Variants in THEMIS observed in about 807,000 individuals in gnomAD.
THEMIS encodes the protein thymocyte selection associated, also known as protein THEMIS.
A neutral mutation model predicts 52.6 loss-of-function variants in THEMIS; 37 were observed. That is an observed-to-expected ratio of 0.70 (90% CI 0.54 to 0.93). THEMIS has a LOEUF of 0.93. Among genes scored for constraint, THEMIS ranks in the 40% least tolerant of loss-of-function variants. THEMIS has a pLI of 0.00. For missense variants in THEMIS, 808 were observed against 763.1 expected, an observed-to-expected ratio of 1.06 and a Z score of -0.69; for synonymous variants, 292 against 272.7, an observed-to-expected ratio of 1.07 and a Z score of -0.70.
chr6:127,703,394 T>C (rs1356137238), downstream of THEMIS, among the ~76,000 whole-genome samples: 3 of 152,106 alleles, frequency 2.0e-5, no homozygotes, highest in African/African-American at 7.2e-5. Context: ...CAAGAAACAA[T>C]AAGTAAACCA....
intron 4 of THEMIS, among the ~76,000 whole-genome samples, chr6:127,782,591 C>T (rs1776783797): frequency 6.6e-6 from 1 of 152,216 alleles, no homozygotes; most frequent in African/African-American, 2.4e-5. Flanking sequence ...TGAGGCAATG[C>T]CCCGCCCTGC....
intron 3 of THEMIS, among the ~76,000 whole-genome samples, chr6:127,823,260 G>A (rs541174962): frequency 6.6e-6 from 1 of 152,114 alleles, no homozygotes; most frequent in Admixed American, 6.5e-5. Flanking sequence ...ATGTCATGTT[G>A]TCGTAGTATT....
At chr6:127,741,182 C>A (rs1363367323) in intron 4 of THEMIS, among the ~76,000 whole-genome samples, 2 of 152,178 alleles carry the variant, frequency 1.3e-5, no homozygotes, top group African/African-American at 2.4e-5. Flanking sequence ...GTTCACAACC[C>A]ATAAGTTATA....
intron 1 of THEMIS, among the ~76,000 whole-genome samples, chr6:127,858,884 C>G (rs373539443): frequency 6.6e-6 from 1 of 152,104 alleles, no homozygotes; most frequent in East Asian, 1.9e-4. Context: ...AACATTGCCC[C>G]TGAAGGCTGT....
chr6:127,914,143 CA>C (rs1439387325), intron 1 of THEMIS, among the ~76,000 whole-genome samples: 2 of 152,024 alleles, frequency 1.3e-5, no homozygotes, highest in Non-Finnish European at 2.9e-5. Flanking sequence ...GTGCATGAAA[CA>C]AAGTTTTGAA....
intron 4 of THEMIS, among the ~76,000 whole-genome samples, chr6:127,742,718 T>C (rs1244860815): frequency 6.6e-6 from 1 of 151,910 alleles, no homozygotes; most frequent in Non-Finnish European, 1.5e-5. Context: ...CCTAGAGTAG[T>C]CAAATTCATA....
chr6:127,744,844 C>T (rs1216588150), intron 4 of THEMIS, among the ~76,000 whole-genome samples: 3 of 149,904 alleles, frequency 2.0e-5, no homozygotes, highest in Admixed American at 6.7e-5. Context: ...CACACACATA[C>T]ACACACACAC....
At chr6:127,916,398 T>C (rs1224438443) in intron 1 of THEMIS, among the ~76,000 whole-genome samples, 1 of 152,156 alleles carries the variant, frequency 6.6e-6, no homozygotes, top group Non-Finnish European at 1.5e-5. Flanking sequence ...TGGTTCCTCC[T>C]GTCATGGCAG....
At chr6:127,849,599 A>C (rs1355515462) in intron 2 of THEMIS, among the ~76,000 whole-genome samples, 10 of 152,012 alleles carry the variant, frequency 6.6e-5, no homozygotes, top group Non-Finnish European at 1.2e-4. Flanking sequence ...ACATACTTAC[A>C]GTCAGGTGAT....
chr6:127,754,426 G>T (rs1392091042), intron 4 of THEMIS, among the ~76,000 whole-genome samples: 1 of 152,176 alleles, frequency 6.6e-6, no homozygotes, highest in Non-Finnish European at 1.5e-5. Flanking sequence ...GATGGACCCA[G>T]ATTCTTACTC....
chr6:127,744,798 G>A (rs192869954), intron 4 of THEMIS, among the ~76,000 whole-genome samples: 2 of 151,858 alleles, frequency 1.3e-5, no homozygotes, highest in Admixed American at 6.6e-5. Flanking sequence ...TGCATTTACA[G>A]ATTTAAAAGG....
intron 1 of THEMIS, among the ~76,000 whole-genome samples, chr6:127,895,380 T>C (rs1780933185): frequency 6.6e-6 from 1 of 151,580 alleles, no homozygotes; most frequent in African/African-American, 2.4e-5. Context: ...CTGACATTAA[T>C]GTCTATTTAA....
At chr6:127,906,623 G>T (rs1781275426) in intron 1 of THEMIS, among the ~76,000 whole-genome samples, 1 of 151,732 alleles carries the variant, frequency 6.6e-6, no homozygotes, top group African/African-American at 2.4e-5. Context: ...GAAAAGAAAA[G>T]AAAATGCATT....
chr6:127,719,708 C>T lies in THEMIS; in HGVS notation c.1874G>A (p.Arg625His), dbSNP rs745362791. Residue 625 changes from arginine (R) to histidine (H), a missense_variant, in exon 5 of 6, where the codon CGT becomes CAT. Transcript: ENST00000368248. ...AGTACCTGCTATTGCTGTGGCCCCA[C>T]GGTTGCTCCTTTCTTTCTCTTCATC... Reference protein sequence around the residue: ...LVDEEKERSNRGATAIAETFK... With the variant: ...LVDEEKERSNHGATAIAETFK... 1.7e-5 allele frequency: 28 copies of T among 1,611,690 alleles called. No individual in the cohort carries two copies. Among genetic ancestry groups the T allele is most frequent in the African/African-American group, 5.4e-5 (4 of 74,686 alleles).
intron 4 of THEMIS, among the ~76,000 whole-genome samples, chr6:127,763,992 C>A (rs1776109358): frequency 6.6e-6 from 1 of 151,548 alleles, no homozygotes. Context: ...CTTATAGATT[C>A]CTAAAATCTG....
intron 3 of THEMIS, among the ~76,000 whole-genome samples, chr6:127,819,760 C>T (rs1778270842): frequency 6.6e-6 from 1 of 152,114 alleles, no homozygotes. Context: ...GTCACCAGTT[C>T]ACCTACCTTG....
At chr6:127,805,772 G>A (rs982574063) in intron 4 of THEMIS, among the ~76,000 whole-genome samples, 1 of 151,950 alleles carries the variant, frequency 6.6e-6, no homozygotes. Flanking sequence ...AAGGAACTGG[G>A]GAATTGTAGC....
At chr6:127,902,416 A>C (rs187261840), upstream of THEMIS, among the ~76,000 whole-genome samples, 10 of 151,982 alleles carry the variant, frequency 6.6e-5, no homozygotes, top group Non-Finnish European at 1.5e-4. Flanking sequence ...TAGTAACCAA[A>C]CCCAGGCACT....
rs762327340 is a variant in THEMIS at position 127,900,969 on chromosome 6, C to T, written c.-37G>A. On this transcript the variant is annotated 5_prime_UTR_variant, in exon 1 of 6. The change creates a new upstream start codon in the 5' untranslated region. Coordinates refer to ENST00000368248, the MANE Select transcript of THEMIS (RefSeq NM_001010923.3). ...GGGTAGTTTGTAGACCTGGTGCTCA[C>T]AGAAACTTGTGGCTTCTGGGTGACA... The T allele has an allele frequency of 4.5e-6, 7 of 1,557,450 alleles. No individual in the cohort carries two copies. The South Asian group carries it at 5.6e-5, about 12-fold the overall frequency.
Sources: gnomAD v4.1 joint callset for allele counts (sites outside exome capture counted in the v4.1 genomes callset) on GRCh38, gnomAD v4.1.1 for gene constraint, MANE v1.5 for transcripts, NCBI Gene and HGNC (gene_info 2026-07-23, HGNC 2026-07-21) for gene names.